NKAIN2: variants seen among roughly 807,000 people sequenced by gnomAD.
NKAIN2 encodes sodium/potassium transporting ATPase interacting 2.
In NKAIN2, 14 loss-of-function variants were observed where a neutral mutation model predicts 32.6. The ratio of observed to expected loss-of-function variants is 0.43; its 90% CI spans 0.28 to 0.67. The LOEUF (loss-of-function observed/expected upper bound fraction) is 0.67. Among genes scored for constraint, NKAIN2 ranks in the 30% least tolerant of loss-of-function variants. NKAIN2 has a pLI of 0.17. For missense variants in NKAIN2, 198 were observed against 258.3 expected (o/e 0.77, Z 1.60); for synonymous variants, 80 against 87.2 (o/e 0.92, Z 0.46).
intron 2 of NKAIN2, among the ~76,000 whole-genome samples, chr6:124,330,781 G>A (rs896900258): frequency 1.3e-5 from 2 of 152,138 alleles, no homozygotes; most frequent in Non-Finnish European, 2.9e-5. Context: ...CAGGTGAACG[G>A]CAGGCAAGAG....
intron 1 of NKAIN2, among the ~76,000 whole-genome samples, chr6:123,888,027 T>A (rs1180505246): frequency 1.3e-5 from 2 of 152,142 alleles, no homozygotes; most frequent in African/African-American, 4.8e-5. Flanking sequence ...ACCTAATATT[T>A]GTAAAGTGTA....
At chr6:124,487,149 GT>G (rs1186079474) in intron 3 of NKAIN2, among the ~76,000 whole-genome samples, 2 of 151,998 alleles carry the variant, frequency 1.3e-5, no homozygotes, top group Non-Finnish European at 2.9e-5. Context: ...TTTTTGGTCA[GT>G]GTTCCCAGAG....
At chr6:124,658,408 C>T in intron 4 of NKAIN2, 22 bp downstream of exon 4, 1 of 1,614,108 alleles carries the variant, frequency 6.2e-7, no homozygotes, top group Admixed American at 1.7e-5. Flanking sequence ...CAGCCAACCG[C>T]TCCTTCTAGT....
chr6:123,916,732 A>ATGTGTG (rs537844977), intron 1 of NKAIN2, among the ~76,000 whole-genome samples: 1 of 150,474 alleles, frequency 6.6e-6, no homozygotes, highest in African/African-American at 2.4e-5. Context: ...GTAGATATAT[A>ATGTGTG]TGTGTGTGTG....
At chr6:124,817,500 A>G (rs1781218112) in intron 5 of NKAIN2, among the ~76,000 whole-genome samples, 2 of 152,112 alleles carry the variant, frequency 1.3e-5, no homozygotes, top group Admixed American at 6.6e-5. Flanking sequence ...TTGTGGCATC[A>G]TGGCTGTGTT....
chr6:123,889,394 T>C (rs1451244058), intron 1 of NKAIN2, among the ~76,000 whole-genome samples: 1 of 152,132 alleles, frequency 6.6e-6, no homozygotes, highest in African/African-American at 2.4e-5. Flanking sequence ...CTGGGTTCAT[T>C]CTGCTGACAG....
In NKAIN2 at chr6:124,083,732, CA is replaced by C. The variant is rs570852543; in HGVS notation, c.55-199267del. On this transcript the variant is annotated intron_variant, in intron 1 of 6. Transcript: ENST00000368417. The stretch of plus-strand genomic sequence containing the variant: ...TTGGTCTGTACAGTTAAAGTACATG[CA>C]AAAAAGACACAAATGCTTTCTCACA... Among the ~76,000 whole-genome samples the C allele has an allele frequency of 1.3e-4, 20 of 151,954 alleles. 1 individual carries two copies. The South Asian group carries it at 4.1e-3, about 31-fold the overall frequency.
chr6:124,357,733 C>T (rs1054994136), intron 3 of NKAIN2, among the ~76,000 whole-genome samples: 3 of 152,010 alleles, frequency 2.0e-5, no homozygotes, highest in Non-Finnish European at 2.9e-5. Flanking sequence ...CGTGATAAAA[C>T]ATTAAGGTAA....
chr6:123,926,019 C>T (rs1775987019), intron 1 of NKAIN2, among the ~76,000 whole-genome samples: 1 of 152,170 alleles, frequency 6.6e-6, no homozygotes, highest in Non-Finnish European at 1.5e-5. Flanking sequence ...ACTGTGTCCT[C>T]ACATGGTGGA....
At chr6:124,646,605 G>T (rs1329972057) in intron 3 of NKAIN2, among the ~76,000 whole-genome samples, 1 of 152,106 alleles carries the variant, frequency 6.6e-6, no homozygotes, top group African/African-American at 2.4e-5. Context: ...AAAACACCCA[G>T]TTACTTCCTT....
chr6:124,442,870 C>G (rs1213404958), intron 3 of NKAIN2, among the ~76,000 whole-genome samples: 1 of 152,070 alleles, frequency 6.6e-6, no homozygotes, highest in Non-Finnish European at 1.5e-5. Flanking sequence ...AAAGATGTTT[C>G]TGGCATCATA....
At chr6:124,793,224 G>C (rs1017745684) in intron 5 of NKAIN2, among the ~76,000 whole-genome samples, 2 of 152,068 alleles carry the variant, frequency 1.3e-5, no homozygotes, top group African/African-American at 4.8e-5. Flanking sequence ...TGGGTAGATG[G>C]AATTGCCACT....
At chr6:123,976,580 A>C (rs1195713321) in intron 1 of NKAIN2, among the ~76,000 whole-genome samples, 5 of 151,320 alleles carry the variant, frequency 3.3e-5, no homozygotes, top group Admixed American at 2.0e-4. Context: ...TTTTTGTTCA[A>C]CTGAAAGGAT....
chr6:124,754,913 A>T (rs1019588696), intron 4 of NKAIN2, among the ~76,000 whole-genome samples: 2 of 152,190 alleles, frequency 1.3e-5, no homozygotes, highest in African/African-American at 4.8e-5. Flanking sequence ...GAGTGGAGAA[A>T]GAAAATGTGG....
At chr6:124,290,056 A>AAC (rs1340956421) in intron 2 of NKAIN2, among the ~76,000 whole-genome samples, 1 of 84,866 alleles carries the variant, frequency 1.2e-5, no homozygotes, top group African/African-American at 8.7e-5. Flanking sequence ...GGGAGAAAAC[A>AAC]AAAAAAAACA....
chr6:124,424,409 A>T (rs892429146), intron 3 of NKAIN2, among the ~76,000 whole-genome samples: 3 of 152,066 alleles, frequency 2.0e-5, no homozygotes, highest in Non-Finnish European at 2.9e-5. Flanking sequence ...TGTGTGTGTG[A>T]TAAGTACACT....
chr6:124,524,123 G>T (rs1171514985), intron 3 of NKAIN2, among the ~76,000 whole-genome samples: 1 of 152,094 alleles, frequency 6.6e-6, no homozygotes, highest in African/African-American at 2.4e-5. Context: ...TGACAATGTT[G>T]TATTGATCTG....
intron 1 of NKAIN2, among the ~76,000 whole-genome samples, chr6:124,272,100 TG>T (rs1168056909): frequency 6.6e-6 from 1 of 152,160 alleles, no homozygotes; most frequent in African/African-American, 2.4e-5. Context: ...TAATGCAGTA[TG>T]AAGGAAAACC....
chr6:124,296,563 T>G (rs1015806998), intron 2 of NKAIN2, among the ~76,000 whole-genome samples: 24 of 152,164 alleles, frequency 1.6e-4, no homozygotes, highest in Non-Finnish European at 2.5e-4. Flanking sequence ...CTTATATACT[T>G]AAAGATTGCA....
Sources: gnomAD v4.1 joint callset for allele counts (sites outside exome capture counted in the v4.1 genomes callset) on GRCh38, gnomAD v4.1.1 for gene constraint, MANE v1.5 for transcripts, NCBI Gene and HGNC (gene_info 2026-07-23, HGNC 2026-07-21) for gene names.